INPP4A: variants seen among roughly 807,000 people sequenced by gnomAD.
INPP4A encodes the protein inositol polyphosphate-4-phosphatase type I A, also known as inositol polyphosphate-4-phosphatase, type I, 107kD.
In INPP4A, 33 loss-of-function variants were observed where a neutral mutation model predicts 119.8. That is an observed-to-expected ratio of 0.28 (90% confidence interval 0.21 to 0.37). The LOEUF (loss-of-function observed/expected upper bound fraction) is 0.37. INPP4A is among the 10% of genes least tolerant of loss of function. The probability of loss-of-function intolerance (pLI) is 1.00; values close to 1 mark genes in which losing one functional copy is unlikely to be tolerated. For missense variants in INPP4A, 956 were observed against 1,289.9 expected, an observed-to-expected ratio of 0.74 and a Z score of 3.97; for synonymous variants, 496 against 500.7, an observed-to-expected ratio of 0.99 and a Z score of 0.12.
chr2:98,449,113 G>T (rs1406353105), intron 1 of INPP4A, among the ~76,000 whole-genome samples: 1 of 152,152 alleles, frequency 6.6e-6, no homozygotes, highest in Non-Finnish European at 1.5e-5. Flanking sequence ...CTATCTCATG[G>T]AAAAGTTACC....
At chr2:98,486,519 T>A (rs1363809564) in intron 1 of INPP4A, among the ~76,000 whole-genome samples, 3 of 152,244 alleles carry the variant, frequency 2.0e-5, no homozygotes, top group Non-Finnish European at 2.9e-5. Flanking sequence ...TAAAAAGGCG[T>A]GGAAACCCAG....
At chr2:98,490,436 G>C (rs1173313979) in intron 1 of INPP4A, among the ~76,000 whole-genome samples, 4 of 152,016 alleles carry the variant, frequency 2.6e-5, no homozygotes, top group African/African-American at 9.7e-5. Flanking sequence ...TGTGGGAGGA[G>C]CTGTGTCCAT....
At chr2:98,565,358 G>T (rs1480479354) in intron 19 of INPP4A, among the ~76,000 whole-genome samples, 2 of 152,186 alleles carry the variant, frequency 1.3e-5, no homozygotes, top group Non-Finnish European at 2.9e-5. Flanking sequence ...TTATGTATTT[G>T]TTTCCCTCCC....
intron 23 of INPP4A, among the ~76,000 whole-genome samples, chr2:98,576,567 G>C (rs1169166980): frequency 6.6e-6 from 1 of 152,210 alleles, no homozygotes; most frequent in Admixed American, 6.5e-5. Flanking sequence ...AGGACTGTGG[G>C]CATCCTGAGA....
intron 1 of INPP4A, among the ~76,000 whole-genome samples, chr2:98,506,311 G>T (rs1684031113): frequency 6.6e-6 from 1 of 152,246 alleles, no homozygotes; most frequent in African/African-American, 2.4e-5. Flanking sequence ...GGACTAGTAA[G>T]GCCTGCCTTT....
chr2:98,543,215 G>T (rs191122731), intron 10 of INPP4A, among the ~76,000 whole-genome samples: 3 of 152,280 alleles, frequency 2.0e-5, no homozygotes, highest in South Asian at 2.1e-4. Context: ...TCTTTGTCCC[G>T]TACCCAAAAA....
intron 1 of INPP4A, among the ~76,000 whole-genome samples, chr2:98,470,749 G>C (rs143107554): frequency 0.011 from 1,674 of 152,044 alleles, 31 homozygotes; most frequent in African/African-American, 0.038. Context: ...CTCACTGCAA[G>C]CTCCGCCTCC....
chr2:98,534,351 G>A (rs1300691169), intron 5 of INPP4A, among the ~76,000 whole-genome samples: 2 of 152,208 alleles, frequency 1.3e-5, no homozygotes, highest in Non-Finnish European at 2.9e-5. Context: ...GTGCACAGCA[G>A]AGTATGGGAA....
rs562186299 is a variant in INPP4A at position 98,479,435 on chromosome 2, TAGTC to T, written c.-166+34354_-166+34357del. Among the ~76,000 whole-genome samples the T allele has an allele frequency of 1.1e-3, 171 of 152,296 alleles. 1 individual carries two copies. The highest frequency in any genetic ancestry group is 4.0e-3 in the African/African-American group (165 of 41,568). ...TAGAAGACAGTTAGCAATAAATACA[TAGTC>T]AGTGGCATCTCTGCATGGGGATGGC... On this transcript the variant is annotated intron_variant, in intron 1 of 24. Coordinates refer to ENST00000409851, the MANE Select transcript of INPP4A (RefSeq NM_001134225.2).
chr2:98,511,196 A>G (rs924328485), intron 1 of INPP4A, among the ~76,000 whole-genome samples: 2 of 152,084 alleles, frequency 1.3e-5, no homozygotes. Context: ...AGTAGCTGGG[A>G]CTACAGGCAC....
In INPP4A at chr2:98,477,508, C is replaced by A. The variant is rs1322675690; in HGVS notation, c.-166+32423C>A. Among the ~76,000 whole-genome samples, 3 of 152,244 alleles carry A rather than the reference C, an allele frequency of 2.0e-5. No individual in the cohort carries two copies. In the East Asian group the frequency reaches 5.8e-4, roughly 29 times the overall value. ...ACCATGTTACCAGACCACAGCCTAA[C>A]AACAGAGGATGAACCAGAGCCTCAA... is the stretch of plus-strand genomic sequence containing the variant. On this transcript the variant is annotated intron_variant, in intron 1 of 24. Transcript: ENST00000409851.
intron 1 of INPP4A, among the ~76,000 whole-genome samples, chr2:98,464,589 A>C (rs1450086965): frequency 6.6e-6 from 1 of 152,182 alleles, no homozygotes; most frequent in African/African-American, 2.4e-5. Flanking sequence ...CAGAGTTCTC[A>C]GTTCCCATGT....
intron 1 of INPP4A, among the ~76,000 whole-genome samples, chr2:98,481,656 G>T (rs1251380712): frequency 1.3e-5 from 2 of 152,240 alleles, no homozygotes; most frequent in Non-Finnish European, 2.9e-5. Flanking sequence ...GTTTCCAAGT[G>T]ATCCAATGTG....
intron 1 of INPP4A, among the ~76,000 whole-genome samples, chr2:98,511,062 CA>C (rs1685041391): frequency 6.6e-6 from 1 of 151,574 alleles, no homozygotes; most frequent in Non-Finnish European, 1.5e-5. Context: ...GTGCTTGATT[CA>C]ATTTTTTTTT....
intron 23 of INPP4A, among the ~76,000 whole-genome samples, chr2:98,573,827 G>A (rs945362435): frequency 3.9e-5 from 6 of 152,168 alleles, no homozygotes; most frequent in African/African-American, 9.7e-5. Context: ...TCATGAAGCC[G>A]CACTTTTTGA....
intron 1 of INPP4A, among the ~76,000 whole-genome samples, chr2:98,511,006 G>C (rs981572059): frequency 6.6e-6 from 1 of 152,176 alleles, no homozygotes; most frequent in Non-Finnish European, 1.5e-5. Context: ...ATTTGTGTCT[G>C]CAGGTGAGAA....
At chr2:98,575,128 GTGTA>G (rs984241739) in intron 23 of INPP4A, among the ~76,000 whole-genome samples, 10 of 152,242 alleles carry the variant, frequency 6.6e-5, no homozygotes, top group Non-Finnish European at 1.5e-4. Flanking sequence ...TTTTGTTTGT[GTGTA>G]TGAATAAAGG....
Position 98,563,540 on chromosome 2 carries a change from A to G in INPP4A, c.1931A>G (p.Lys644Arg). 6.2e-7 allele frequency: 1 copy of G among 1,613,998 alleles called. No individual in the cohort carries two copies. Among genetic ancestry groups the G allele is most frequent in the South Asian group, 1.1e-5 (1 of 91,080 alleles). ...DCVAMMSDKA[K>R]KAMVFLLMQD... ...GTGGCCATGATGAGTGACAAGGCCA[A>G]GAAGGCCATGGTATTCCTGCTCATG... The change falls in exon 18 of 25, where the codon AAG becomes AGG. Residue 644 changes from lysine (K) to arginine (R), a missense_variant. Coordinates refer to ENST00000409851, the MANE Select transcript of INPP4A (RefSeq NM_001134225.2).
intron 1 of INPP4A, among the ~76,000 whole-genome samples, chr2:98,456,851 G>T (rs866691859): frequency 4.6e-5 from 7 of 152,200 alleles, no homozygotes. Context: ...AGATCTTTGT[G>T]TTTTGAGTTG....
Sources: gnomAD v4.1 joint callset for allele counts (sites outside exome capture counted in the v4.1 genomes callset) on GRCh38, gnomAD v4.1.1 for gene constraint, MANE v1.5 for transcripts, NCBI Gene and HGNC (gene_info 2026-07-23, HGNC 2026-07-21) for gene names.